The following KCNN2 variants were observed in gnomAD, a reference collection of about 807,000 sequenced individuals.
The protein encoded by KCNN2 is small conductance calcium-activated potassium channel protein 2.
In KCNN2, 24 loss-of-function variants were observed where a neutral mutation model predicts 55.5. The ratio of observed to expected loss-of-function variants is 0.43; its 90% CI spans 0.31 to 0.61. The LOEUF is 0.61. Among genes scored for constraint, KCNN2 ranks in the 20% least tolerant of loss-of-function variants. The pLI is 0.08. For missense variants in KCNN2, 754 were observed against 853.6 expected (o/e 0.88, Z 1.45); for synonymous variants, 431 against 336.1 (o/e 1.28, Z -3.09).
intron 3 of KCNN2, among the ~76,000 whole-genome samples, chr5:114,434,463 C>T (rs1759931858): frequency 6.6e-6 from 1 of 152,132 alleles, no homozygotes; most frequent in Non-Finnish European, 1.5e-5. Flanking sequence ...ACATTCCTAC[C>T]ATATCTGAGT....
At chr5:114,401,962 A>G (rs1758802115) in intron 2 of KCNN2, among the ~76,000 whole-genome samples, 1 of 152,224 alleles carries the variant, frequency 6.6e-6, no homozygotes, top group South Asian at 2.1e-4. Context: ...TAAAAAGGTC[A>G]TTAGACAATG....
At chr5:114,266,347 G>A (rs1755206872) in intron 2 of KCNN2, among the ~76,000 whole-genome samples, 1 of 152,056 alleles carries the variant, frequency 6.6e-6, no homozygotes, top group Non-Finnish European at 1.5e-5. Flanking sequence ...ATTCTGGTGT[G>A]GGTTTTAGAC....
chr5:114,338,477 G>A (rs899170458), intron 2 of KCNN2, among the ~76,000 whole-genome samples: 3 of 152,208 alleles, frequency 2.0e-5, no homozygotes, highest in African/African-American at 7.2e-5. Flanking sequence ...CTCCAGAGAA[G>A]CTATGCACCA....
chr5:114,317,081 C>T (rs1307905311), intron 2 of KCNN2, among the ~76,000 whole-genome samples: 2 of 152,100 alleles, frequency 1.3e-5, no homozygotes, highest in African/African-American at 2.4e-5. Flanking sequence ...TCCTTCAATT[C>T]CTTCATCTCT....
intron 1 of KCNN2, among the ~76,000 whole-genome samples, chr5:114,123,064 G>A (rs1751856509): frequency 6.6e-6 from 1 of 152,162 alleles, no homozygotes; most frequent in Admixed American, 6.5e-5. Flanking sequence ...CAGTATATAA[G>A]GACGGTAGAA....
intron 1 of KCNN2, among the ~76,000 whole-genome samples, chr5:114,103,132 C>A (rs1751406927): frequency 6.6e-6 from 1 of 152,058 alleles, no homozygotes; most frequent in African/African-American, 2.4e-5. Context: ...GTTTGTGGTT[C>A]TCCTTGAAGA....
At chr5:114,426,464 A>T (rs1293218970) in intron 3 of KCNN2, among the ~76,000 whole-genome samples, 1 of 152,064 alleles carries the variant, frequency 6.6e-6, no homozygotes, top group Non-Finnish European at 1.5e-5. Context: ...TTTTTTTCTG[A>T]TGATGTCTTT....
intron 3 of KCNN2, among the ~76,000 whole-genome samples, chr5:114,430,031 T>G (rs758858015): frequency 6.6e-6 from 1 of 152,050 alleles, no homozygotes; most frequent in Non-Finnish European, 1.5e-5. Context: ...TAATGGCACA[T>G]TATACTAAGT....
Position 114,362,729 on chromosome 5 carries a change from A to T in KCNN2, c.590A>T (p.His197Leu). 6.6e-7 allele frequency: 1 copy of T among 1,526,392 alleles called. No homozygotes were observed. Among genetic ancestry groups the T allele is most frequent in the Non-Finnish European group, 8.7e-7 (1 of 1,144,440 alleles). The allele number at this position is 1,526,392 out of a possible 1,614,324, so 94.6% of individuals were successfully genotyped here. The part of the protein sequence containing the change: ...HHPHPAHHQH[H>L]QPQARRESNP... ...CCGCACCCGGCGCACCACCAGCACC[A>T]CCAGCCCCAGGCGCGCCGCGAGAGC... The change falls in exon 1 of 8, where the codon CAC (histidine) becomes CTC (leucine). Residue 197 changes from histidine to leucine, a missense_variant. Transcript: ENST00000673685.
intron 2 of KCNN2, among the ~76,000 whole-genome samples, chr5:114,278,230 G>A (rs1755532753): frequency 6.6e-6 from 1 of 152,164 alleles, no homozygotes; most frequent in African/African-American, 2.4e-5. Flanking sequence ...CTTCATCCCA[G>A]AGGGACACCT....
chr5:114,400,141 C>G (rs555874438), intron 2 of KCNN2, among the ~76,000 whole-genome samples: 5 of 151,928 alleles, frequency 3.3e-5, no homozygotes, highest in African/African-American at 9.6e-5. Context: ...TTGGTTATTT[C>G]TTGTCTTCTA....
chr5:114,463,178 T>TA lies in KCNN2; in HGVS notation c.1768dup (p.Thr590AsnfsTer40). On this transcript the variant is annotated frameshift_variant, in exon 4 of 8. Transcript: ENST00000673685. LOFTEE classifies it high-confidence loss of function. ...ACTGTGGAAAAGGAGTCTGCTTACT[T>TA]ACTGGAATTATGGTAAGTGTCTTTA... The TA allele has an allele frequency of 6.2e-7, 1 of 1,611,392 alleles. No individual in the cohort carries two copies. Among genetic ancestry groups the TA allele is most frequent in the Non-Finnish European group, 8.5e-7 (1 of 1,178,960 alleles).
At chr5:114,484,997 C>G (rs1300933379) in intron 5 of KCNN2, among the ~76,000 whole-genome samples, 3 of 152,140 alleles carry the variant, frequency 2.0e-5, no homozygotes, top group Non-Finnish European at 4.4e-5. Flanking sequence ...TCTGTATTCC[C>G]CTTCAACCAC....
intron 2 of KCNN2, among the ~76,000 whole-genome samples, chr5:114,257,543 T>C (rs114448768): frequency 0.015 from 2,221 of 152,224 alleles, 63 homozygotes; most frequent in African/African-American, 0.051. Flanking sequence ...CAGTGTTTTG[T>C]AGTTTTCCTT....
At chr5:114,090,900 C>A (rs1751130134) in intron 1 of KCNN2, among the ~76,000 whole-genome samples, 1 of 152,108 alleles carries the variant, frequency 6.6e-6, no homozygotes, top group Admixed American at 6.5e-5. Flanking sequence ...CCAGACTGGA[C>A]AGCCTCAACT....
intron 2 of KCNN2, among the ~76,000 whole-genome samples, chr5:114,322,246 A>T (rs1444612787): frequency 6.6e-6 from 1 of 152,232 alleles, no homozygotes; most frequent in Non-Finnish European, 1.5e-5. Flanking sequence ...TTAAAGAGAC[A>T]TTAAAATTCT....
chr5:114,252,660 C>T (rs1163552599), intron 2 of KCNN2, among the ~76,000 whole-genome samples: 2 of 151,834 alleles, frequency 1.3e-5, no homozygotes, highest in Admixed American at 6.6e-5. Flanking sequence ...AGAATCCTTC[C>T]CCCCAACCCC....
chr5:114,288,965 G>A (rs1490524210), intron 2 of KCNN2, among the ~76,000 whole-genome samples: 1 of 151,744 alleles, frequency 6.6e-6, no homozygotes, highest in African/African-American at 2.4e-5. Flanking sequence ...TTTTTTCTAA[G>A]AGTTTTATGC....
intron 1 of KCNN2, among the ~76,000 whole-genome samples, chr5:114,191,465 C>T (rs188522149): frequency 2.0e-5 from 3 of 152,256 alleles, no homozygotes; most frequent in East Asian, 3.9e-4. Flanking sequence ...TAAGAGGTCT[C>T]CTTGCAACCA....
Sources: gnomAD v4.1 joint callset for allele counts (sites outside exome capture counted in the v4.1 genomes callset) on GRCh38, gnomAD v4.1.1 for gene constraint, MANE v1.5 for transcripts, NCBI Gene and HGNC (gene_info 2026-07-23, HGNC 2026-07-21) for gene names.